The following PLA2R1 variants were observed in gnomAD, a reference collection of about 807,000 sequenced individuals.
PLA2R1 encodes phospholipase A2 receptor 1.
In PLA2R1, 158 loss-of-function variants were observed where a neutral mutation model predicts 195.9. The ratio of observed to expected loss-of-function variants is 0.81; its 90% CI spans 0.71 to 0.92. PLA2R1 has a LOEUF of 0.92. Among genes scored for constraint, PLA2R1 ranks in the 40% least tolerant of loss-of-function variants. PLA2R1 has a pLI of 0.00. For missense variants in PLA2R1, 1,626 were observed against 1,764.6 expected (o/e 0.92, Z 1.41); for synonymous variants, 586 against 598.2 (o/e 0.98, Z 0.30).
chr2:160,024,315 AC>A lies in PLA2R1; in HGVS notation c.1100-1457del, dbSNP rs559169283. Among the ~76,000 whole-genome samples the A allele has an allele frequency of 3.2e-4, 49 of 152,168 alleles. No individual in the cohort carries two copies. In the South Asian group the frequency reaches 0.01, roughly 32 times the overall value. On this transcript the variant is annotated intron_variant, in intron 6 of 29. Transcript: ENST00000283243. ...CAAGCTGCTGTGGGGCTCTCACTCT[AC>A]CTGGTGTGGCCAAGTTGCCACGAGC...
chr2:160,048,910 G>A (rs1056014329), intron 1 of PLA2R1, among the ~76,000 whole-genome samples: 84 of 145,082 alleles, frequency 5.8e-4, no homozygotes, highest in African/African-American at 1.8e-3. Context: ...GCGGGATCTC[G>A]GCTCACTGCA....
intron 17 of PLA2R1, among the ~76,000 whole-genome samples, chr2:159,973,539 C>G (rs950021223): frequency 6.6e-6 from 1 of 152,056 alleles, no homozygotes; most frequent in African/African-American, 2.4e-5. Flanking sequence ...TCCTTTGCCT[C>G]TTCCACTATG....
At position 160,020,156 on chromosome 2, in the gene PLA2R1, G is replaced by A. The variant is rs371230593; in HGVS notation, c.1402C>T (p.Pro468Ser). The A allele has an allele frequency of 4.0e-5, 65 of 1,613,600 alleles. No individual in the cohort carries two copies. The highest frequency in any genetic ancestry group is 6.7e-5 in the Admixed American group (4 of 59,994). ...VIFTNWHTLE[P>S]HIFPNRSQLC... ...TGGCTTCTATTTGGAAAAATGTGGG[G>A]CTCAAGTGTGTGCCAATTAGTAAAG... The change falls in exon 8 of 30, where the codon CCC becomes TCC. Residue 468 changes from proline to serine, a missense_variant. Physicochemically the swap from Pro to Ser is moderately conservative, Grantham distance 74. Transcript: ENST00000283243.
intron 6 of PLA2R1, among the ~76,000 whole-genome samples, chr2:160,027,604 T>C (rs1044449060): frequency 6.6e-6 from 1 of 152,218 alleles, no homozygotes; most frequent in Non-Finnish European, 1.5e-5. Context: ...ATTTTTGTAA[T>C]GATTCTTTAA....
chr2:160,028,369 T>C lies in PLA2R1; in HGVS notation c.956-8A>G, dbSNP rs774288979. 35 of 1,594,766 alleles carry C rather than the reference T, an allele frequency of 2.2e-5. No homozygotes were observed. Among genetic ancestry groups the C allele is most frequent in the Non-Finnish European group, 2.8e-5 (33 of 1,165,046 alleles). On this transcript the variant is annotated splice_region_variant and splice_polypyrimidine_tract_variant and intron_variant, in intron 5 of 29. Transcript: ENST00000283243. ...ATGGCTCAAAATTTACCTCTGAAAATACAATGAGTGTCTTTAATATTAGAA... is the reference window on the plus strand; with the variant it reads ...ATGGCTCAAAATTTACCTCTGAAAACACAATGAGTGTCTTTAATATTAGAA...
At chr2:160,018,475 T>C (rs1306957585) in intron 8 of PLA2R1, among the ~76,000 whole-genome samples, 1 of 152,050 alleles carries the variant, frequency 6.6e-6, no homozygotes, top group Non-Finnish European at 1.5e-5. Context: ...CTACTAAAAA[T>C]ACAAAAATTA....
chr2:159,974,987 G>C (rs2715917), intron 17 of PLA2R1, among the ~76,000 whole-genome samples: 26,547 of 152,124 alleles, frequency 0.17, 5,386 homozygotes, highest in African/African-American at 0.49. Flanking sequence ...GATAGAGTTA[G>C]AAAGGATTCC....
intron 6 of PLA2R1, among the ~76,000 whole-genome samples, chr2:160,026,978 C>A (rs1398823929): frequency 6.6e-6 from 1 of 152,134 alleles, no homozygotes; most frequent in South Asian, 2.1e-4. Flanking sequence ...TATAAAAATA[C>A]AAAAATTAGC....
chr2:159,976,365 C>T, intron 16 of PLA2R1, 140 bp from the exon 17 acceptor site: 1 of 622,020 alleles, frequency 1.6e-6, no homozygotes, highest in Non-Finnish European at 2.8e-6. Context: ...CACACAGACA[C>T]ATATGCACAT....
chr2:159,993,125 T>C (rs1334595114), intron 11 of PLA2R1, among the ~76,000 whole-genome samples: 1 of 152,074 alleles, frequency 6.6e-6, no homozygotes, highest in Non-Finnish European at 1.5e-5. Context: ...AATCTAGGGG[T>C]ACAAAGTACA....
At chr2:159,962,343 C>G (rs1015981007) in intron 20 of PLA2R1, among the ~76,000 whole-genome samples, 1 of 152,202 alleles carries the variant, frequency 6.6e-6, no homozygotes, top group Admixed American at 6.5e-5. Context: ...GATACCACAT[C>G]AGGCCAGTTA....
At chr2:159,952,507 T>C (rs1687806734) in intron 23 of PLA2R1, among the ~76,000 whole-genome samples, 2 of 152,228 alleles carry the variant, frequency 1.3e-5, no homozygotes, top group Admixed American at 1.3e-4. Flanking sequence ...CCAAAGTGAC[T>C]TGAATTTCTG....
intron 20 of PLA2R1, among the ~76,000 whole-genome samples, chr2:159,960,090 T>A (rs886238888): frequency 2.0e-5 from 3 of 152,188 alleles, no homozygotes; most frequent in African/African-American, 7.2e-5. Context: ...CAACACGGTA[T>A]CACCCTTTCC....
chr2:160,027,561 CTTA>C (rs772658036), intron 6 of PLA2R1, among the ~76,000 whole-genome samples: 197 of 152,104 alleles, frequency 1.3e-3, no homozygotes, highest in Admixed American at 9.2e-4. Flanking sequence ...GACAATTCAG[CTTA>C]TTATTTTAAA....
downstream of PLA2R1, among the ~76,000 whole-genome samples, chr2:159,929,907 A>G (rs1686548798): frequency 2.0e-5 from 3 of 152,178 alleles, no homozygotes; most frequent in South Asian, 6.2e-4. Context: ...TCAGCCATAA[A>G]AAGGAATGAA....
intron 15 of PLA2R1, among the ~76,000 whole-genome samples, 181 bp from the exon 16 acceptor site, chr2:159,976,901 G>C (rs1320358155): frequency 6.6e-6 from 1 of 152,204 alleles, no homozygotes; most frequent in Non-Finnish European, 1.5e-5. Context: ...AAGCTCCAGA[G>C]AGGCTTCTAA....
At chr2:160,008,845 A>C (rs1034989739) in intron 10 of PLA2R1, among the ~76,000 whole-genome samples, 1 of 152,242 alleles carries the variant, frequency 6.6e-6, no homozygotes, top group Non-Finnish European at 1.5e-5. Context: ...TCCTATAACT[A>C]AACAATAGAA....
intron 9 of PLA2R1, 139 bp downstream of exon 9, chr2:160,016,475 G>GGC (rs199595301): frequency 1.7e-6 from 1 of 586,230 alleles, no homozygotes; most frequent in Admixed American, 3.1e-5. Context: ...GAAAGAAGGG[G>GGC]GGGGTGCGAG....
At chr2:160,041,957 A>G in intron 3 of PLA2R1, 68 bp downstream of exon 3, 1 of 1,247,092 alleles carries the variant, frequency 8.0e-7, no homozygotes, top group Non-Finnish European at 1.2e-6. Context: ...TTTTGTTTAG[A>G]TACAGATAAC....
Sources: gnomAD v4.1 joint callset for allele counts (sites outside exome capture counted in the v4.1 genomes callset) on GRCh38, gnomAD v4.1.1 for gene constraint, MANE v1.5 for transcripts, NCBI Gene and HGNC (gene_info 2026-07-23, HGNC 2026-07-21) for gene names.